The following ESRP2 variants were observed in gnomAD, a reference collection of about 807,000 sequenced individuals.
ESRP2 encodes the protein epithelial splicing regulatory protein 2.
ESRP2 carries 48 observed loss-of-function variants against 78.6 expected under a neutral mutation model. The ratio of observed to expected loss-of-function variants is 0.61; its 90% CI spans 0.48 to 0.78. ESRP2 has a LOEUF of 0.78. ESRP2 is among the 30% of genes least tolerant of loss of function. The probability of loss-of-function intolerance (pLI) is 0.00; values close to 1 mark genes in which losing one functional copy is unlikely to be tolerated. For synonymous variants in ESRP2, 383 were observed against 406.7 expected, an observed-to-expected ratio of 0.94 and a Z score of 0.70; for missense variants, 863 against 965.9, an observed-to-expected ratio of 0.89 and a Z score of 1.41.
chr16:68,234,997 A>C, intron 2 of ESRP2: 2 of 336,868 alleles, frequency 5.9e-6, no homozygotes, highest in Non-Finnish European at 8.4e-6. Flanking sequence ...TGAGCGCCGT[A>C]GTGAAGATAA....
chr16:68,230,757 T>TA, intron 13 of ESRP2, 84 bp downstream of exon 13: 1 of 1,561,998 alleles, frequency 6.4e-7, no homozygotes, highest in South Asian at 1.2e-5. Flanking sequence ...AGGGAGGAGT[T>TA]ATCTGGTCCA....
rs775083128 is a variant in ESRP2, at chr16:68,231,490, T to C, written c.1504A>G (p.Asn502Asp). 6.2e-7 allele frequency: 1 copy of C among 1,614,056 alleles called. No homozygotes were observed. The highest frequency in any genetic ancestry group is 2.2e-5 in the East Asian group (1 of 44,872). The change falls in exon 11 of 15, where the codon AAC (asparagine) becomes GAC (aspartate). Residue 502 changes from asparagine (N) to aspartate (D), a missense_variant. Transcript: ENST00000473183. This position sits in a 1 kb window ranked among gnomAD's most constrained non-coding sequence, Gnocchi z 6.0. ...CCAAGCAGTGGCTTCACCTGCTGGT[T>C]GAGCACCATGTGTACACCGTGGGGC... ...IRPHGVHMVL[N>D]QQGRPSGDAF...
chr16:68,234,308 T>C (rs2042191459), intron 2 of ESRP2: 1 of 577,388 alleles, frequency 1.7e-6, no homozygotes, highest in East Asian at 2.9e-5. Flanking sequence ...TCCAGTCCAC[T>C]GTCACCTCCT....
In ESRP2 at chr16:68,232,822, A is replaced by C. The variant is rs1427174536; in HGVS notation, c.656-7T>G. The stretch of plus-strand genomic sequence containing the variant: ...GGCTTCGAAAACAATTGACCTGAGA[A>C]AAGATGGCCTGGGGGTCAGCAGGGT... On this transcript the variant is annotated splice_region_variant and splice_polypyrimidine_tract_variant and intron_variant, in intron 5 of 14. Transcript: ENST00000473183. This position sits in a 1 kb window ranked among gnomAD's most constrained non-coding sequence, Gnocchi z 5.2. The C allele has an allele frequency of 6.2e-7, 1 of 1,613,052 alleles. No individual in the cohort carries two copies. The highest frequency in any genetic ancestry group is 8.5e-7 in the Non-Finnish European group (1 of 1,180,032).
Position 68,235,344 on chromosome 16 carries a change from C to T in ESRP2, c.327+290G>A, listed in dbSNP as rs1174193679. ...AGCAGGTCTCCCAAAGGCGTCTCGG[C>T]CTCGCTCCCCGGGCGGGAACTGGGG... On this transcript the variant is annotated intron_variant, in intron 2 of 14. Transcript: ENST00000473183. The surrounding 1 kb of genome is among the most constrained non-coding windows in gnomAD (Gnocchi z 5.5). 2.0e-6 allele frequency: 2 copies of T among 985,344 alleles called. No homozygotes were observed. The highest frequency in any genetic ancestry group is 2.4e-6 in the Non-Finnish European group (2 of 829,944). The allele number at this position is 985,344 out of a possible 1,614,324, so 61.0% of individuals were successfully genotyped here.
rs755427571 is a variant in ESRP2, at chr16:68,232,136, A to G, written c.998-33T>C. 1.2e-6 allele frequency: 2 copies of G among 1,610,292 alleles called. No individual in the cohort carries two copies. The highest frequency in any genetic ancestry group is 1.7e-6 in the Non-Finnish European group (2 of 1,177,414). On this transcript the variant is annotated intron_variant, in intron 9 of 14. Coordinates refer to ENST00000473183, the MANE Select transcript of ESRP2 (RefSeq NM_024939.3). This position sits in a 1 kb window ranked among gnomAD's most constrained non-coding sequence, Gnocchi z 5.2. ...TGAGAGTCGCCTGCTGACTTCACTC[A>G]TGCTCCTCCAGACACTCACCCATGC...
At position 68,231,743 on chromosome 16, in the gene ESRP2, C is replaced by A; in HGVS notation, c.1300-49G>T. ...CTGGTCATGCCAAGTAGGGCAGGGA[C>A]ACAGAGGGCCGCCCTGGAGTAACAG... On this transcript the variant is annotated intron_variant, in intron 10 of 14. Coordinates refer to ENST00000473183, the MANE Select transcript of ESRP2 (RefSeq NM_024939.3). The surrounding 1 kb of genome is among the most constrained non-coding windows in gnomAD (Gnocchi z 6.0). The A allele has an allele frequency of 6.3e-7, 1 of 1,594,636 alleles. No individual in the cohort carries two copies. The highest frequency in any genetic ancestry group is 8.6e-7 in the Non-Finnish European group (1 of 1,167,816).
At chr16:68,233,917 C>T in intron 3 of ESRP2, 35 bp from the exon 4 acceptor site, 1 of 1,601,546 alleles carries the variant, frequency 6.2e-7, no homozygotes, top group Non-Finnish European at 8.6e-7. Context: ...GAGCGCCCTG[C>T]CCACCCTCAG....
In ESRP2 at chr16:68,232,099, T is replaced by C. The variant is rs2042149208; in HGVS notation, c.1002A>G (p.Thr334=). 1 of 1,612,418 alleles carries C rather than the reference T, an allele frequency of 6.2e-7. No individual in the cohort carries two copies. Among genetic ancestry groups the C allele is most frequent in the African/African-American group, 1.3e-5 (1 of 74,862 alleles). ...GEEFVKIAGG[T]SLEVARFLSR... ...ACAAGAAACGAGCCACCTCTAGTGATGTGCCTGTGTATGAGAGTCGCCTGC... is the reference window on the plus strand; with the variant it reads ...ACAAGAAACGAGCCACCTCTAGTGACGTGCCTGTGTATGAGAGTCGCCTGC... Residue 334 remains threonine, a synonymous_variant, in exon 10 of 15, where the codon ACA becomes ACG. Coordinates refer to ENST00000473183, the MANE Select transcript of ESRP2 (RefSeq NM_024939.3). The surrounding 1 kb of genome is among the most constrained non-coding windows in gnomAD (Gnocchi z 5.2).
Position 68,230,270 on chromosome 16 carries a change from G to C in ESRP2, c.2110C>G (p.Pro704Ala). ...YTSLMPVGDP[P>A]RTVLQAPKEW... ...TTGGGGGCTTGTAACACAGTGCGAG[G>C]TGGGTCACCAACAGGCATCAGACTG... The change falls in exon 15 of 15, where the codon CCT becomes GCT. Residue 704 changes from proline to alanine, a missense_variant. Pro to Ala is a conservative substitution (Grantham distance 27). Coordinates refer to ENST00000473183, the MANE Select transcript of ESRP2 (RefSeq NM_024939.3). 1 of 1,614,198 alleles carries C rather than the reference G, an allele frequency of 6.2e-7. No individual in the cohort carries two copies. Among genetic ancestry groups the C allele is most frequent in the Non-Finnish European group, 8.5e-7 (1 of 1,180,040 alleles).
Position 68,232,038 on chromosome 16 carries a change from G to A in ESRP2, c.1063C>T (p.Leu355=), listed in dbSNP as rs1344804334. 2.5e-6 allele frequency: 4 copies of A among 1,613,960 alleles called. No homozygotes were observed. The African/African-American group carries it at 5.3e-5, about 22-fold the overall frequency. The change falls in exon 10 of 15, where the codon CTG becomes TTG. Residue 355 remains leucine, a synonymous_variant. Coordinates refer to ENST00000473183, the MANE Select transcript of ESRP2 (RefSeq NM_024939.3). The surrounding 1 kb of genome is among the most constrained non-coding windows in gnomAD (Gnocchi z 5.2). ...TCCGTTGGCCCAGCCGAGAAGGGCA[G>A]TCCCCGCAGCCGCAGGATCACTTGG... is the stretch of plus-strand genomic sequence containing the variant. ...EDQVILRLRG[L]PFSAGPTDVL...
rs1325680168 is a variant in ESRP2 at position 68,233,434 on chromosome 16, A to C, written c.557-9T>G. 6.2e-7 allele frequency: 1 copy of C among 1,604,482 alleles called. No homozygotes were observed. Among genetic ancestry groups the C allele is most frequent in the Admixed American group, 1.7e-5 (1 of 60,022 alleles). Reference sequence around the variant, plus strand: ...TGTCTCCAGTCCTAAACCTATGGGCAGAGAAGTGACAGTGAAGACATCTTA... The same window carrying C: ...TGTCTCCAGTCCTAAACCTATGGGCCGAGAAGTGACAGTGAAGACATCTTA... On this transcript the variant is annotated splice_polypyrimidine_tract_variant and intron_variant, in intron 4 of 14. Coordinates refer to ENST00000473183, the MANE Select transcript of ESRP2 (RefSeq NM_024939.3).
chr16:68,232,321 T>C lies in ESRP2; in HGVS notation c.955-33A>G. On this transcript the variant is annotated intron_variant, in intron 8 of 14. Coordinates refer to ENST00000473183, the MANE Select transcript of ESRP2 (RefSeq NM_024939.3). This position sits in a 1 kb window ranked among gnomAD's most constrained non-coding sequence, Gnocchi z 5.2. ...TACAGAGAGCAGCAGCCCATGGGTC[T>C]CAGGCCTGACTCAGATTGGCCCTGC... 1 of 1,614,190 alleles carries C rather than the reference T, an allele frequency of 6.2e-7. No individual in the cohort carries two copies. The highest frequency in any genetic ancestry group is 2.2e-5 in the East Asian group (1 of 44,880).
chr16:68,230,544 A>G lies in ESRP2; in HGVS notation c.1909T>C (p.Ser637Pro). Residue 637 changes from serine (S) to proline (P), a missense_variant, in exon 14 of 15, where the codon TCC becomes CCC. Physicochemically the swap from Ser to Pro is moderately conservative, Grantham distance 74. Transcript: ENST00000473183. ...GTGAGGTAGCCCACAGTGGTGGGGG[A>G]GACTGGGGGGCTAGGGTGGGAGAGA... ...YTAYYPSPPVSPTTVGYLTTP... is the reference protein window; with the variant it reads ...YTAYYPSPPVPPTTVGYLTTP... 1 of 1,569,802 alleles carries G rather than the reference A, an allele frequency of 6.4e-7. No individual in the cohort carries two copies.
At position 68,230,184 on chromosome 16, in the gene ESRP2, C is replaced by T. The variant is rs187787483; in HGVS notation, c.*42G>A. On this transcript the variant is annotated 3_prime_UTR_variant, in exon 15 of 15. Coordinates refer to ENST00000473183, the MANE Select transcript of ESRP2 (RefSeq NM_024939.3). Reference sequence around the variant, plus strand: ...CTTCTGGACTCAGGAGAGACATGTTCGCCGAGGATATCAGCTGGCTCTTAC... The same window carrying T: ...CTTCTGGACTCAGGAGAGACATGTTTGCCGAGGATATCAGCTGGCTCTTAC... 2,618 of 1,577,562 alleles carry T rather than the reference C, an allele frequency of 1.7e-3. 7 individuals are homozygous for T. The highest frequency in any genetic ancestry group is 2.8e-3 in the South Asian group (256 of 90,258).
rs1278247178 is a variant in ESRP2, at chr16:68,232,769, C to T, written c.702G>A (p.Thr234=). 1.9e-6 allele frequency: 3 copies of T among 1,614,250 alleles called. No homozygotes were observed. Among genetic ancestry groups the T allele is most frequent in the Admixed American group, 1.7e-5 (1 of 60,034 alleles). ...CCTGCTCCCACACTCACCAAGGCCC[C>T]GTCTCGTATTTCTGCTTTATCACCT... ...KPEVIKQKYE[T]GPCSKADVVD... Residue 234 remains threonine (T), a synonymous_variant, in exon 6 of 15, where the codon ACG becomes ACA. Transcript: ENST00000473183. This position sits in a 1 kb window ranked among gnomAD's most constrained non-coding sequence, Gnocchi z 5.2.
In ESRP2 at chr16:68,231,008, G is replaced by A. The variant is rs200397589; in HGVS notation, c.1731C>T (p.Tyr577=). 6.5e-4 allele frequency: 1,031 copies of A among 1,595,890 alleles called. 11 individuals are homozygous for A. The South Asian group carries it at 0.011, about 17-fold the overall frequency. The change falls in exon 13 of 15, where the codon TAC becomes TAT. Residue 577 remains tyrosine, a synonymous_variant. Coordinates refer to ENST00000473183, the MANE Select transcript of ESRP2 (RefSeq NM_024939.3). This position sits in a 1 kb window ranked among gnomAD's most constrained non-coding sequence, Gnocchi z 6.0. ...GCGTTGGGGTGGCTTGGAAGGTGGT[G>A]TAGGTAGGTGGTGAGAGGCCTAGAG... is the stretch of plus-strand genomic sequence containing the variant. ...CKLPCLSPPT[Y]TTFQATPTLI...
chr16:68,232,431 G>A lies in ESRP2; in HGVS notation c.894C>T (p.Ser298=), dbSNP rs780766695. The A allele has an allele frequency of 1.6e-5, 26 of 1,613,942 alleles. No individual in the cohort carries two copies. The highest frequency in any genetic ancestry group is 6.7e-5 in the Admixed American group (4 of 59,998). Residue 298 remains serine, a synonymous_variant, in exon 8 of 15, where the codon AGC becomes AGT. Transcript: ENST00000473183. The surrounding 1 kb of genome is among the most constrained non-coding windows in gnomAD (Gnocchi z 5.2). ...NGEALIRFVD[S]EQRDLALQRH... is the part of the protein sequence containing the mutation. ...TCTGCAGCGCTAGGTCCCGCTGCTCGCTGTCCACAAAGCGGATGAGGGCCT... is the reference window on the plus strand; with the variant it reads ...TCTGCAGCGCTAGGTCCCGCTGCTCACTGTCCACAAAGCGGATGAGGGCCT...
intron 2 of ESRP2, chr16:68,234,390 C>G: frequency 2.7e-6 from 1 of 364,250 alleles, no homozygotes; most frequent in Admixed American, 4.5e-5. Context: ...TGGAGTGGGG[C>G]CAGAGCAAAC....
Sources: gnomAD v4.1 joint callset for allele counts on GRCh38, gnomAD v4.1.1 for gene constraint, Gnocchi (gnomAD v3.1) non-coding constraint, MANE v1.5 for transcripts, NCBI Gene and HGNC (gene_info 2026-07-23, HGNC 2026-07-21) for gene names.